BPIFC: variants seen among roughly 807,000 people sequenced by gnomAD.
The protein encoded by BPIFC is BPI fold-containing family C protein.
A neutral mutation model predicts 57.6 loss-of-function variants in BPIFC; 60 were observed. That is an observed-to-expected ratio of 1.04 (90% CI 0.85 to 1.29). The LOEUF is 1.29. BPIFC is among the 50% of genes most tolerant of loss of function. The pLI is 0.00. For synonymous variants in BPIFC, 243 were observed against 224.5 expected (o/e 1.08, Z -0.74); for missense variants, 581 against 600.5 (o/e 0.97, Z 0.34).
At chr22:32,424,594 T>C (rs1356537124) in intron 13 of BPIFC, among the ~76,000 whole-genome samples, 920 of 89,466 alleles carry the variant, frequency 0.01, 79 homozygotes, top group Admixed American at 0.018. Flanking sequence ...TTCTTCTTCT[T>C]CTTCTTCTCC....
At chr22:32,423,681 A>C (rs961577858) in intron 13 of BPIFC, among the ~76,000 whole-genome samples, 4 of 151,490 alleles carry the variant, frequency 2.6e-5, no homozygotes, top group East Asian at 3.9e-4. Flanking sequence ...CAAAAAAAAA[A>C]CAAAAAAACC....
At chr22:32,452,818 T>C (rs1022991436) in intron 4 of BPIFC, among the ~76,000 whole-genome samples, 6 of 152,168 alleles carry the variant, frequency 3.9e-5, no homozygotes, top group African/African-American at 7.2e-5. Context: ...TTAGAAGAGC[T>C]TGACTCTCCC....
intron 3 of BPIFC, 35 bp from the exon 4 acceptor site, chr22:32,453,538 G>C (rs150445945): frequency 1.3e-6 from 2 of 1,553,700 alleles, no homozygotes; most frequent in Admixed American, 4.2e-5. Flanking sequence ...TGTTGATAAT[G>C]ACAAAGATAA....
chr22:32,459,773 C>T (rs1216882176), intron 2 of BPIFC, among the ~76,000 whole-genome samples: 1 of 151,804 alleles, frequency 6.6e-6, no homozygotes, highest in East Asian at 1.9e-4. Flanking sequence ...ATTGCTTGAG[C>T]CTGGGAGGTG....
chr22:32,453,468 G>A lies in BPIFC; in HGVS notation c.160C>T (p.Leu54=), dbSNP rs1934952198. The change falls in exon 4 of 17, where the codon CTA becomes TTA. Residue 54 remains leucine, a synonymous_variant. Transcript: ENST00000300399. ...QAGMKMIEQM[L]KEKKLPDLSG... ...AAATCTGGGAGTTTCTTTTCTTTTA[G>A]CATTTGCTCAATCATCTTCATTCCA... is the stretch of plus-strand genomic sequence containing the variant. 4.4e-6 allele frequency: 7 copies of A among 1,605,196 alleles called. No homozygotes were observed. The highest frequency in any genetic ancestry group is 5.9e-6 in the Non-Finnish European group (7 of 1,177,788).
intron 10 of BPIFC, among the ~76,000 whole-genome samples, chr22:32,434,728 C>T (rs533132154): frequency 2.6e-5 from 4 of 152,070 alleles, no homozygotes; most frequent in African/African-American, 4.8e-5. Flanking sequence ...TTCTCAGTAT[C>T]GTAAGATAGC....
At chr22:32,426,912 G>C (rs1216947057) in intron 13 of BPIFC, among the ~76,000 whole-genome samples, 1 of 150,378 alleles carries the variant, frequency 6.6e-6, no homozygotes, top group Non-Finnish European at 1.5e-5. Flanking sequence ...AAGAAAGAAA[G>C]AAAAAAGAAA....
At chr22:32,460,659 C>T (rs561723190) in intron 2 of BPIFC, among the ~76,000 whole-genome samples, 5 of 152,322 alleles carry the variant, frequency 3.3e-5, no homozygotes, top group East Asian at 3.9e-4. Flanking sequence ...CTGCAGAAAC[C>T]GTGCATATCC....
rs1556036435 is a variant in BPIFC at position 32,424,603 on chromosome 22, C to CTT, written c.1218-5200_1218-5199insAA. Among the ~76,000 whole-genome samples, 51 of 38,910 alleles carry CTT rather than the reference C, an allele frequency of 1.3e-3. 2 individuals carry two copies. The highest frequency in any genetic ancestry group is 0.012 in the Middle Eastern group (1 of 86). The allele number at this position is 38,910 out of a possible 152,430, so 25.5% of individuals were successfully genotyped here. On this transcript the variant is annotated intron_variant, in intron 13 of 16. Coordinates refer to ENST00000300399, the MANE Select transcript of BPIFC (RefSeq NM_174932.3). ...TTCTTCTTCTTCTTCTTCTTCTTCT[C>CTT]CTCCTCCTCCTCCTCCTCCTCCTCC...
At chr22:32,435,657 A>C in intron 10 of BPIFC, 47 bp downstream of exon 10, 1 of 1,561,024 alleles carries the variant, frequency 6.4e-7, no homozygotes, top group Non-Finnish European at 8.7e-7. Context: ...ACTTATAAAA[A>C]GGCTGAATGA....
At chr22:32,459,809 C>T (rs1935125217) in intron 2 of BPIFC, among the ~76,000 whole-genome samples, 1 of 151,974 alleles carries the variant, frequency 6.6e-6, no homozygotes, top group Non-Finnish European at 1.5e-5. Context: ...TGTGATCATG[C>T]CACTGCACTC....
At chr22:32,448,516 G>C (rs961152160) in intron 4 of BPIFC, among the ~76,000 whole-genome samples, 1 of 152,188 alleles carries the variant, frequency 6.6e-6, no homozygotes, top group Non-Finnish European at 1.5e-5. Flanking sequence ...TATGTGGACA[G>C]TATCTTTGCT....
intron 2 of BPIFC, among the ~76,000 whole-genome samples, chr22:32,460,762 A>G (rs1935143534): frequency 6.6e-6 from 1 of 152,166 alleles, no homozygotes; most frequent in South Asian, 2.1e-4. Context: ...ATCAAAATAC[A>G]TATTTATTCA....
chr22:32,457,502 A>G (rs1320963262), intron 2 of BPIFC, 116 bp from the exon 3 acceptor site: 13 of 1,058,232 alleles, frequency 1.2e-5, no homozygotes, highest in Non-Finnish European at 1.6e-5. Context: ...AACTCAATAC[A>G]TCCATCCAAT....
intron 3 of BPIFC, among the ~76,000 whole-genome samples, chr22:32,456,768 C>G (rs1314354694): frequency 6.6e-6 from 1 of 152,126 alleles, no homozygotes; most frequent in Admixed American, 6.6e-5. Context: ...TAAATGTTCT[C>G]TAAAGGAGTG....
intron 3 of BPIFC, among the ~76,000 whole-genome samples, chr22:32,456,786 A>G (rs1935048021): frequency 6.6e-6 from 1 of 152,116 alleles, no homozygotes; most frequent in Admixed American, 6.6e-5. Context: ...GTGGCTTTTA[A>G]CCTTTCAGTG....
At chr22:32,417,987 A>T (rs184460534) in intron 14 of BPIFC, among the ~76,000 whole-genome samples, 1 of 152,092 alleles carries the variant, frequency 6.6e-6, no homozygotes, top group African/African-American at 2.4e-5. Context: ...TGCAGTTGGG[A>T]CCTCAGAGTT....
At chr22:32,453,260 G>A (rs1934942486) in intron 4 of BPIFC, 123 bp downstream of exon 4, 1 of 710,380 alleles carries the variant, frequency 1.4e-6, no homozygotes, top group Non-Finnish European at 2.2e-6. Flanking sequence ...CAGAGCTAAG[G>A]ACAGCAGAAC....
At position 32,424,753 on chromosome 22, in the gene BPIFC, C is replaced by CTCTTCTTCTTCT. The variant is rs1556036707; in HGVS notation, c.1218-5361_1218-5350dup. Among the ~76,000 whole-genome samples the CTCTTCTTCTTCT allele has an allele frequency of 2.5e-3, 90 of 35,482 alleles. 21 individuals carry two copies. Among genetic ancestry groups the CTCTTCTTCTTCT allele is most frequent in the African/African-American group, 9.0e-3 (44 of 4,890 alleles). 23.3% of individuals were successfully genotyped at this position (35,482 alleles called of 152,430 possible). Reference sequence around the variant, plus strand: ...CCTCTTCTTCTTCCTCTTCTTCTTCCTCTTCTTCTTCTTCTTCTTCTTCTT... The same window carrying CTCTTCTTCTTCT: ...CCTCTTCTTCTTCCTCTTCTTCTTCCTCTTCTTCTTCTTCTTCTTCTTCTTCTTCTTCTTCTT... On this transcript the variant is annotated intron_variant, in intron 13 of 16. Transcript: ENST00000300399.
Sources: allele counts gnomAD v4.1 joint callset (sites outside exome capture counted in the v4.1 genomes callset), GRCh38; gene constraint gnomAD v4.1.1; transcripts MANE v1.5; gene names NCBI Gene and HGNC (gene_info 2026-07-23, HGNC 2026-07-21).